The following IGSF21 variants were observed in gnomAD, a reference collection of about 807,000 sequenced individuals.
The protein encoded by IGSF21 is immunoglobulin superfamily member 21.
Under a neutral mutation model 46.8 loss-of-function variants are expected in IGSF21, and 28 were observed. That is an observed-to-expected ratio of 0.60 (90% CI 0.44 to 0.82). The LOEUF (loss-of-function observed/expected upper bound fraction) is 0.82, where lower values mean the gene tolerates loss of function less well. Among genes scored for constraint, IGSF21 ranks in the 40% least tolerant of loss-of-function variants. The pLI, the probability that IGSF21 is intolerant of heterozygous loss-of-function variation, is 0.00. For missense variants in IGSF21, 624 were observed against 665.5 expected (o/e 0.94, Z 0.69); for synonymous variants, 284 against 273.6 (o/e 1.04, Z -0.38).
chr1:18,182,838 A>G (rs114262771), intron 1 of IGSF21, among the ~76,000 whole-genome samples: 43 of 152,222 alleles, frequency 2.8e-4, no homozygotes, highest in African/African-American at 9.6e-4. Flanking sequence ...ACCTGGTGAA[A>G]TTGCCTGTAG....
chr1:18,273,415 TTTTCC>T (rs71018068), intron 2 of IGSF21, among the ~76,000 whole-genome samples: 4 of 84,950 alleles, frequency 4.7e-5, no homozygotes, highest in Admixed American at 1.4e-4. Context: ...CTTTCCTTTC[TTTTCC>T]TTTCCTTTCC....
In IGSF21 at chr1:18,305,488, T is replaced by TGATG. The variant is rs148976653; in HGVS notation, c.305+13522_305+13525dup. On this transcript the variant is annotated intron_variant, in intron 3 of 9. Coordinates refer to ENST00000251296, the MANE Select transcript of IGSF21 (RefSeq NM_032880.5). ...GATGACAGATGGATGGATGGATGGA[T>TGATG]GATGGATGGATGGATGGATGGATGA... Among the ~76,000 whole-genome samples the TGATG allele has an allele frequency of 1.8e-4, 9 of 50,418 alleles. No individual in the cohort carries two copies. In the East Asian group the frequency reaches 9.2e-3, roughly 51 times the overall value. 33.1% of individuals were successfully genotyped at this position (50,418 alleles called of 152,430 possible). A position where few individuals can be genotyped will look rare whatever the true frequency, so the allele number is the denominator to read the frequency against.
chr1:18,249,752 G>GCGTTTTTTTTTTTT (rs2084819134), intron 2 of IGSF21, among the ~76,000 whole-genome samples: 1 of 152,202 alleles, frequency 6.6e-6, no homozygotes, highest in African/African-American at 2.4e-5. Context: ...TAGATGCTAG[G>GCGTTTTTTTTTTTT]TTTTGCCTCC....
chr1:18,198,195 G>C (rs1446645875), intron 1 of IGSF21, among the ~76,000 whole-genome samples: 1 of 152,206 alleles, frequency 6.6e-6, no homozygotes, highest in African/African-American at 2.4e-5. Context: ...GGGGTTGACT[G>C]GACAATGCCA....
chr1:18,121,200 T>C (rs12735658), intron 1 of IGSF21, among the ~76,000 whole-genome samples: 2,691 of 152,262 alleles, frequency 0.018, 38 homozygotes, highest in East Asian at 0.073. Flanking sequence ...GAAGATACTC[T>C]TGAGTAACTT....
intron 3 of IGSF21, among the ~76,000 whole-genome samples, chr1:18,318,007 C>T (rs749536869): frequency 9.9e-5 from 15 of 152,162 alleles, no homozygotes; most frequent in African/African-American, 2.4e-4. Context: ...TTGTCATCCA[C>T]GCTATTCATG....
intron 1 of IGSF21, chr1:18,110,469 C>G (rs1243062654): frequency 6.6e-6 from 1 of 152,296 alleles, no homozygotes; most frequent in African/African-American, 2.4e-5. Flanking sequence ...CACCTGCCTC[C>G]GAGGGCGCAG....
At chr1:18,285,405 G>A (rs1355807437) in intron 2 of IGSF21, among the ~76,000 whole-genome samples, 1 of 152,108 alleles carries the variant, frequency 6.6e-6, no homozygotes, top group African/African-American at 2.4e-5. Flanking sequence ...GGGGTCAGGG[G>A]GCAGTCAGGG....
At chr1:18,368,107 A>G (rs1473233170) in intron 6 of IGSF21, among the ~76,000 whole-genome samples, 2 of 151,924 alleles carry the variant, frequency 1.3e-5, no homozygotes, top group Admixed American at 1.3e-4. Context: ...GGAGAATTCA[A>G]AGGCTCCAGA....
At chr1:18,348,608 T>A (rs759350647) in intron 4 of IGSF21, among the ~76,000 whole-genome samples, 1 of 152,150 alleles carries the variant, frequency 6.6e-6, no homozygotes, top group Non-Finnish European at 1.5e-5. Context: ...GCCCAGTGAT[T>A]TAAGGGGCAG....
At chr1:18,125,489 G>A (rs948226372) in intron 1 of IGSF21, among the ~76,000 whole-genome samples, 2 of 152,228 alleles carry the variant, frequency 1.3e-5, no homozygotes, top group African/African-American at 4.8e-5. Flanking sequence ...ATTTACAGCA[G>A]AGACATCAAG....
At chr1:18,281,260 T>C (rs1431617230) in intron 2 of IGSF21, among the ~76,000 whole-genome samples, 1 of 104,320 alleles carries the variant, frequency 9.6e-6, no homozygotes, top group Non-Finnish European at 2.1e-5. Flanking sequence ...CGAGGGTGTG[T>C]AGTGAAGAGT....
chr1:18,190,561 T>C lies in IGSF21; in HGVS notation c.71-37337T>C, dbSNP rs2086945464. Among the ~76,000 whole-genome samples, 3 of 152,316 alleles carry C rather than the reference T, an allele frequency of 2.0e-5. No homozygotes were observed. The South Asian group carries it at 6.2e-4, about 32-fold the overall frequency. ...TCTTCACCTCTATTCATCTGCAACG[T>C]GGGGCCGATAAGCCTGTCTTATGGG... is the stretch of plus-strand genomic sequence containing the variant. On this transcript the variant is annotated intron_variant, in intron 1 of 9. Transcript: ENST00000251296.
intron 4 of IGSF21, among the ~76,000 whole-genome samples, chr1:18,355,442 G>C (rs1569865106): frequency 6.6e-6 from 1 of 152,018 alleles, no homozygotes; most frequent in East Asian, 1.9e-4. Flanking sequence ...TAACTGTTGA[G>C]TCTAAAATAA....
intron 1 of IGSF21, among the ~76,000 whole-genome samples, chr1:18,180,669 G>T (rs1003211214): frequency 6.6e-5 from 10 of 152,198 alleles, no homozygotes; most frequent in African/African-American, 2.2e-4. Flanking sequence ...TAGGCTCTTT[G>T]TTGGAAACTG....
Position 18,194,120 on chromosome 1 carries a change from G to A in IGSF21, c.71-33778G>A, listed in dbSNP as rs554273443. Among the ~76,000 whole-genome samples the A allele has an allele frequency of 3.9e-5, 6 of 152,322 alleles. No individual in the cohort carries two copies. The East Asian group carries it at 1.2e-3, about 29-fold the overall frequency. On this transcript the variant is annotated intron_variant, in intron 1 of 9. Coordinates refer to ENST00000251296, the MANE Select transcript of IGSF21 (RefSeq NM_032880.5). ...ATAGGAATTTAGGATGTGACTGGAT[G>A]TGAGAGACGCTGGAGCAAACAGGTC...
At chr1:18,160,787 A>G (rs572021378) in intron 1 of IGSF21, among the ~76,000 whole-genome samples, 2 of 152,306 alleles carry the variant, frequency 1.3e-5, no homozygotes, top group South Asian at 4.1e-4. Context: ...AGCCACCCAG[A>G]ATCACTGCAG....
intron 1 of IGSF21, among the ~76,000 whole-genome samples, chr1:18,135,761 C>T (rs567968631): frequency 2.0e-5 from 3 of 152,222 alleles, no homozygotes; most frequent in African/African-American, 7.2e-5. Flanking sequence ...ATTTATAATC[C>T]TTTGGGTATA....
chr1:18,210,652 TG>T (rs2084382122), intron 1 of IGSF21, among the ~76,000 whole-genome samples: 1 of 152,160 alleles, frequency 6.6e-6, no homozygotes, highest in Non-Finnish European at 1.5e-5. Flanking sequence ...GAACTTCTTG[TG>T]CTTGGAGCCA....
Sources: gnomAD v4.1 joint callset for allele counts (sites outside exome capture counted in the v4.1 genomes callset) on GRCh38, gnomAD v4.1.1 for gene constraint, MANE v1.5 for transcripts, NCBI Gene and HGNC (gene_info 2026-07-23, HGNC 2026-07-21) for gene names.